Variants in TPRG1 observed in about 807,000 individuals in gnomAD.
TPRG1 encodes tumor protein p63 regulated 1.
In TPRG1, 29 loss-of-function variants were observed where a neutral mutation model predicts 29.3. The observed-to-expected ratio is 0.99, with a 90% confidence interval of 0.74 to 1.35. The LOEUF (loss-of-function observed/expected upper bound fraction) is 1.35. Among genes scored for constraint, TPRG1 ranks in the 40% most tolerant of loss-of-function variants. The pLI, the probability that TPRG1 is intolerant of heterozygous loss-of-function variation, is 0.00. For missense variants in TPRG1, 327 were observed against 335.0 expected, an observed-to-expected ratio of 0.98 and a Z score of 0.19; for synonymous variants, 130 against 116.8, an observed-to-expected ratio of 1.11 and a Z score of -0.73.
At chr3:189,001,674 T>C (rs1409435333) in intron 2 of TPRG1, among the ~76,000 whole-genome samples, 1 of 152,112 alleles carries the variant, frequency 6.6e-6, no homozygotes, top group Non-Finnish European at 1.5e-5. Context: ...CAGTGCAGCT[T>C]TGTGTTATTG....
chr3:189,286,791 A>G (rs1431203254), intron 4 of TPRG1, among the ~76,000 whole-genome samples: 1 of 152,122 alleles, frequency 6.6e-6, no homozygotes, highest in African/African-American at 2.4e-5. Context: ...AGAGACAGAG[A>G]GAGATGAAAT....
chr3:189,082,059 A>C (rs1717627231), intron 4 of TPRG1, among the ~76,000 whole-genome samples: 1 of 152,148 alleles, frequency 6.6e-6, no homozygotes. Context: ...TTGTTGTCTG[A>C]GGTGGAACAA....
intron 4 of TPRG1, among the ~76,000 whole-genome samples, chr3:189,304,394 G>A (rs990057697): frequency 6.6e-6 from 1 of 152,038 alleles, no homozygotes; most frequent in Non-Finnish European, 1.5e-5. Context: ...GAACATTGCC[G>A]ATCTGCTTTA....
Position 189,243,211 on chromosome 3 carries a change from A to G in TPRG1, c.479+4302A>G, listed in dbSNP as rs539688473. Among the ~76,000 whole-genome samples the G allele has an allele frequency of 2.0e-5, 3 of 152,284 alleles. No homozygotes were observed. The East Asian group carries it at 5.8e-4, about 29-fold the overall frequency. On this transcript the variant is annotated intron_variant, in intron 4 of 5. Coordinates refer to ENST00000345063, the MANE Select transcript of TPRG1 (RefSeq NM_198485.4). Reference sequence around the variant, plus strand: ...GCAGAAAACAAAGGGGGAGTGAGGCATCTTGCATAGTGGGAGCAGGAGCAA... The same window carrying G: ...GCAGAAAACAAAGGGGGAGTGAGGCGTCTTGCATAGTGGGAGCAGGAGCAA...
chr3:189,196,799 A>G (rs1281181276), intron 1 of TPRG1, among the ~76,000 whole-genome samples: 1 of 152,242 alleles, frequency 6.6e-6, no homozygotes, highest in African/African-American at 2.4e-5. Context: ...ATAGTTCAAT[A>G]AAGTGTTTAT....
intron 4 of TPRG1, among the ~76,000 whole-genome samples, chr3:189,040,258 T>A (rs1714546018): frequency 6.6e-6 from 1 of 152,236 alleles, no homozygotes; most frequent in Admixed American, 6.5e-5. Context: ...TTAAATAGAC[T>A]TTTATGACTC....
intron 1 of TPRG1, among the ~76,000 whole-genome samples, chr3:189,126,682 G>A (rs1424210717): frequency 2.0e-5 from 3 of 152,152 alleles, no homozygotes; most frequent in Non-Finnish European, 1.5e-5. Flanking sequence ...GCTGAGCTTA[G>A]ATCTACTCAT....
At chr3:189,200,857 T>C (rs541302564) in intron 1 of TPRG1, among the ~76,000 whole-genome samples, 2 of 152,340 alleles carry the variant, frequency 1.3e-5, no homozygotes, top group African/African-American at 4.8e-5. Flanking sequence ...AAGATTTATA[T>C]TGAAACATAA....
At chr3:189,148,618 G>C (rs976155435) in intron 4 of TPRG1, among the ~76,000 whole-genome samples, 6 of 152,238 alleles carry the variant, frequency 3.9e-5, no homozygotes, top group African/African-American at 1.2e-4. Flanking sequence ...TAGAAAAAAG[G>C]CTGGGAAAAG....
At chr3:189,194,994 G>T (rs1400413770) in intron 1 of TPRG1, among the ~76,000 whole-genome samples, 1 of 152,132 alleles carries the variant, frequency 6.6e-6, no homozygotes, top group Non-Finnish European at 1.5e-5. Context: ...TATAAGGTGA[G>T]GTATCTCAGC....
intron 1 of TPRG1, among the ~76,000 whole-genome samples, chr3:189,205,024 A>G (rs1350670552): frequency 2.0e-5 from 3 of 151,508 alleles, no homozygotes; most frequent in South Asian, 2.1e-4. Context: ...TCAGAGACCA[A>G]TTTCTACCTT....
chr3:189,251,781 A>G (rs1742302310), intron 4 of TPRG1, among the ~76,000 whole-genome samples: 1 of 152,226 alleles, frequency 6.6e-6, no homozygotes, highest in African/African-American at 2.4e-5. Flanking sequence ...CTATCTCAGT[A>G]GATGGAACAT....
intron 4 of TPRG1, among the ~76,000 whole-genome samples, chr3:189,277,540 A>G (rs1716376278): frequency 1.3e-5 from 2 of 151,568 alleles, no homozygotes; most frequent in African/African-American, 4.9e-5. Context: ...GTCTTACCAA[A>G]TCAAAATGTG....
At chr3:189,250,425 G>C (rs981573025) in intron 4 of TPRG1, among the ~76,000 whole-genome samples, 2 of 141,388 alleles carry the variant, frequency 1.4e-5, no homozygotes, top group African/African-American at 5.1e-5. Context: ...CAGTCTTATT[G>C]TTAGGTTCTA....
chr3:189,099,059 A>G (rs1485709315), upstream of TPRG1, among the ~76,000 whole-genome samples: 1 of 152,132 alleles, frequency 6.6e-6, no homozygotes, highest in African/African-American at 2.4e-5. Flanking sequence ...TTGGTCCCAG[A>G]GAAGGAACAA....
At chr3:189,135,340 C>T (rs888144089) in intron 3 of TPRG1, among the ~76,000 whole-genome samples, 2 of 152,200 alleles carry the variant, frequency 1.3e-5, no homozygotes, top group Non-Finnish European at 2.9e-5. Context: ...TGTCAATTGT[C>T]TCAACATCTT....
At position 189,275,359 on chromosome 3, in the gene TPRG1, G is replaced by GTA. The variant is rs756590138; in HGVS notation, c.480-35020_480-35019dup. Among the ~76,000 whole-genome samples, 3 of 152,262 alleles carry GTA rather than the reference G, an allele frequency of 2.0e-5. No homozygotes were observed. In the East Asian group the frequency reaches 5.8e-4, roughly 29 times the overall value. On this transcript the variant is annotated intron_variant, in intron 4 of 5. Transcript: ENST00000345063. The stretch of plus-strand genomic sequence containing the variant: ...TGCTCTAGTAGCAAGGATAAGTCAA[G>GTA]TATATATACAGCTATATTATAAGGT...
chr3:189,280,714 G>C lies in TPRG1; in HGVS notation c.480-29672G>C, dbSNP rs142099313. On this transcript the variant is annotated intron_variant, in intron 4 of 5. Coordinates refer to ENST00000345063, the MANE Select transcript of TPRG1 (RefSeq NM_198485.4). ...TGGGTTAAAGCTGTAACCCTACCAT[G>C]GCTATTTCTCTTACCTGAGGCAAAT... Among the ~76,000 whole-genome samples the C allele has an allele frequency of 2.8e-3, 424 of 152,226 alleles. 3 individuals carry two copies. The highest frequency in any genetic ancestry group is 4.3e-3 in the Non-Finnish European group (293 of 67,998).
intron 4 of TPRG1, among the ~76,000 whole-genome samples, chr3:189,077,661 A>G (rs547298002): frequency 1.3e-5 from 2 of 152,310 alleles, no homozygotes; most frequent in South Asian, 4.1e-4. Flanking sequence ...AGAGAAATTG[A>G]TATATTCCAC....
Sources: allele counts gnomAD v4.1 joint callset (sites outside exome capture counted in the v4.1 genomes callset), GRCh38; gene constraint gnomAD v4.1.1; transcripts MANE v1.5; gene names NCBI Gene and HGNC (gene_info 2026-07-23, HGNC 2026-07-21).